Variants in CELF2 observed in about 807,000 individuals in gnomAD.
The protein encoded by CELF2 is CUG triplet repeat RNA-binding protein 2.
In CELF2, 8 loss-of-function variants were observed where a neutral mutation model predicts 62.6. The ratio of observed to expected loss-of-function variants is 0.13; its 90% confidence interval spans 0.07 to 0.23. CELF2 has a LOEUF of 0.23. CELF2 is among the 10% of genes least tolerant of loss of function. The pLI is 1.00. For synonymous variants in CELF2, 258 were observed against 250.0 expected, an observed-to-expected ratio of 1.03 and a Z score of -0.30; for missense variants, 333 against 671.0, an observed-to-expected ratio of 0.50 and a Z score of 5.56.
intron 2 of CELF2, among the ~76,000 whole-genome samples, chr10:10,978,034 GTTTTTTGTT>G (rs2051566747): frequency 8.2e-6 from 1 of 121,788 alleles, no homozygotes; most frequent in African/African-American, 3.4e-5. Flanking sequence ...GTTTTTTTTT[GTTTTTTGTT>G]TTTTTTTTTC....
chr10:11,165,378 CTCT>C lies in CELF2; in HGVS notation c.75-102_75-100del, dbSNP rs1304353443. ...CGACTCATTAGGCACTTTGCCACTG[CTCT>C]TCTTCCTCCTCCTTCCGCCTCCCCG... On this transcript the variant is annotated intron_variant, in intron 1 of 12. Coordinates refer to ENST00000633077, the MANE Select transcript of CELF2 (RefSeq NM_001326342.2). The surrounding 1 kb of genome is among the most constrained non-coding windows in gnomAD (Gnocchi z 7.4). The C allele has an allele frequency of 2.0e-6, 3 of 1,521,674 alleles. No individual in the cohort carries two copies. The highest frequency in any genetic ancestry group is 2.3e-5 in the East Asian group (1 of 43,756). The allele number at this position is 1,521,674 out of a possible 1,614,324, so 94.3% of individuals were successfully genotyped here.
chr10:10,659,138 C>T, the CELF2 span, among the ~76,000 whole-genome samples: 1 of 152,146 alleles, frequency 6.6e-6, no homozygotes, highest in Admixed American at 6.5e-5. Context: ...ATACTAGCTA[C>T]CTCAAGAGCC....
intron 4 of CELF2, among the ~76,000 whole-genome samples, chr10:11,250,215 C>T (rs2076738346): frequency 6.6e-6 from 1 of 152,214 alleles, no homozygotes; most frequent in South Asian, 2.1e-4. Context: ...GAGCTTTCTT[C>T]TCTCAGCTTT....
chr10:10,549,865 AAC>A, the CELF2 span, among the ~76,000 whole-genome samples: 1 of 152,224 alleles, frequency 6.6e-6, no homozygotes, highest in East Asian at 1.9e-4. Context: ...TTCCCCAGGA[AAC>A]AGTCTGAGAT....
intron 1 of CELF2, among the ~76,000 whole-genome samples, chr10:11,064,019 G>A (rs1265982620): frequency 1.3e-5 from 2 of 152,198 alleles, no homozygotes; most frequent in African/African-American, 4.8e-5. Flanking sequence ...TAATTCCTGA[G>A]TGCCTTCAGC....
At chr10:11,196,190 A>T (rs2057429484) in intron 2 of CELF2, among the ~76,000 whole-genome samples, 1 of 152,242 alleles carries the variant, frequency 6.6e-6, no homozygotes, top group Non-Finnish European at 1.5e-5. Flanking sequence ...GTCGTCCCAC[A>T]GTAACCCTGG....
rs142864372 is a variant in CELF2, at chr10:10,866,723, A to G, written c.54-53241A>G. ...TGTAATTCCAACACTTTGGGAGGCC[A>G]AAGTGGGCAGATCACGGTAAAACCC... On this transcript the variant is annotated intron_variant, in intron 1 of 13. Transcript: ENST00000636488. Among the ~76,000 whole-genome samples, 10 of 151,912 alleles carry G rather than the reference A, an allele frequency of 6.6e-5. No individual in the cohort carries two copies. In the East Asian group the frequency reaches 1.9e-3, roughly 30 times the overall value.
rs11415164 is a variant in CELF2, at chr10:10,924,281, C to CAAAA, written c.89+4308_89+4311dup. On this transcript the variant is annotated intron_variant, in intron 2 of 13. Transcript: ENST00000636488. ...TGGGCAACACAGCGAGACTCCGTCCCAAAAAAAAAAAAAAAAAAAAAAAAA... is the reference window on the plus strand; with the variant it reads ...TGGGCAACACAGCGAGACTCCGTCCCAAAAAAAAAAAAAAAAAAAAAAAAAAAAA... Among the ~76,000 whole-genome samples, 346 of 45,026 alleles carry CAAAA rather than the reference C, an allele frequency of 7.7e-3. 67 individuals carry two copies. The highest frequency in any genetic ancestry group is 0.039 in the East Asian group (55 of 1,420). 29.5% of individuals were successfully genotyped at this position (45,026 alleles called of 152,430 possible).
intron 1 of CELF2, among the ~76,000 whole-genome samples, chr10:11,084,025 G>T (rs1010731538): frequency 6.6e-6 from 1 of 152,148 alleles, no homozygotes; most frequent in Admixed American, 6.5e-5. Flanking sequence ...GCCATTACCA[G>T]CCCACTGTGA....
chr10:10,614,509 AGTT>A, the CELF2 span, among the ~76,000 whole-genome samples: 1 of 152,156 alleles, frequency 6.6e-6, no homozygotes, highest in African/African-American at 2.4e-5. Flanking sequence ...ACTAAACTAA[AGTT>A]GTAAAATTCC....
the CELF2 span, among the ~76,000 whole-genome samples, chr10:10,632,874 G>A: frequency 3.3e-5 from 5 of 152,254 alleles, no homozygotes; most frequent in African/African-American, 1.2e-4. Flanking sequence ...CTACGATTAT[G>A]TATATCAATA....
At chr10:10,853,932 G>A (rs1367098454) in intron 1 of CELF2, among the ~76,000 whole-genome samples, 1 of 152,160 alleles carries the variant, frequency 6.6e-6, no homozygotes, top group East Asian at 1.9e-4. Context: ...AAGTCAAGGA[G>A]TGTGGTGTTT....
At chr10:11,312,303 A>G (rs918868774) in intron 9 of CELF2, among the ~76,000 whole-genome samples, 1 of 152,252 alleles carries the variant, frequency 6.6e-6, no homozygotes, top group Non-Finnish European at 1.5e-5. Flanking sequence ...AGGATAAATA[A>G]CCCAGGTGAA....
intron 8 of CELF2, among the ~76,000 whole-genome samples, chr10:11,278,076 G>A (rs1301362708): frequency 6.6e-6 from 1 of 152,164 alleles, no homozygotes; most frequent in Non-Finnish European, 1.5e-5. Flanking sequence ...ATTTATATGG[G>A]TGAAACATTT....
rs1316605494 is a variant in CELF2, at chr10:11,207,405, A to C, written c.272-10020A>C. Among the ~76,000 whole-genome samples the C allele has an allele frequency of 2.6e-5, 4 of 152,180 alleles. No individual in the cohort carries two copies. The highest frequency in any genetic ancestry group is 5.9e-5 in the Non-Finnish European group (4 of 68,030). On this transcript the variant is annotated intron_variant, in intron 2 of 12. Transcript: ENST00000633077. The surrounding 1 kb of genome is among the most constrained non-coding windows in gnomAD (Gnocchi z 4.1). ...TGGATCTTGTGGCCAGTTGACAGAA[A>C]GTTGGTCCTAGCGTGTCAAATGGAG...
At chr10:10,472,696 G>A in the CELF2 span, among the ~76,000 whole-genome samples, 1 of 151,872 alleles carries the variant, frequency 6.6e-6, no homozygotes, top group Admixed American at 6.6e-5. Flanking sequence ...AATCGTCTGA[G>A]AATTCTTGCT....
chr10:10,686,505 T>A, the CELF2 span, among the ~76,000 whole-genome samples: 2 of 152,076 alleles, frequency 1.3e-5, no homozygotes, highest in Admixed American at 1.3e-4. Flanking sequence ...TCCCCTTGAA[T>A]TGTAATAATC....
At position 11,086,578 on chromosome 10, in the gene CELF2, T is replaced by TAAAAAAAAAAAAAAAAAAAAA. The variant is rs1168932032; in HGVS notation, c.74+68427_74+68447dup. On this transcript the variant is annotated intron_variant, in intron 1 of 12. Coordinates refer to ENST00000633077, the MANE Select transcript of CELF2 (RefSeq NM_001326342.2). ...AATCCATGTCTCCATTTGCATTTGT[T>TAAAAAAAAAAAAAAAAAAAAA]AAAAAAAAAAAAAAAAAAAAAAAAA... 1.7e-4 allele frequency among the ~76,000 whole-genome samples: 12 copies of TAAAAAAAAAAAAAAAAAAAAA among 71,982 alleles called. 1 individual carries two copies. The highest frequency in any genetic ancestry group is 6.6e-4 in the African/African-American group (12 of 18,238). The allele number at this position is 71,982 out of a possible 152,430, so 47.2% of individuals were successfully genotyped here. A position where few individuals can be genotyped will look rare whatever the true frequency, so the allele number is the denominator to read the frequency against.
chr10:10,525,274 T>C, the CELF2 span, among the ~76,000 whole-genome samples: 1 of 152,186 alleles, frequency 6.6e-6, no homozygotes, highest in African/African-American at 2.4e-5. Flanking sequence ...AGACCAAGCC[T>C]GTCCAACCCA....
Sources: gnomAD v4.1 joint callset for allele counts (sites outside exome capture counted in the v4.1 genomes callset) on GRCh38, gnomAD v4.1.1 for gene constraint, Gnocchi (gnomAD v3.1) non-coding constraint, MANE v1.5 for transcripts, NCBI Gene and HGNC (gene_info 2026-07-23, HGNC 2026-07-21) for gene names.